The following SCAPER variants were observed in gnomAD, a reference collection of about 807,000 sequenced individuals.
SCAPER encodes the protein S-phase cyclin A associated protein in the ER, also known as S phase cyclin A-associated protein in the endoplasmic reticulum.
SCAPER carries 98 observed loss-of-function variants against 182.2 expected under a neutral mutation model. The observed-to-expected ratio is 0.54, with a 90% confidence interval of 0.46 to 0.64. The LOEUF is 0.64. Ranked by LOEUF, SCAPER falls within the 30% of genes least tolerant of loss-of-function variation. The pLI is 0.00. For synonymous variants in SCAPER, 605 were observed against 564.6 expected (o/e 1.07, Z -1.01); for missense variants, 1,432 against 1,690.0 (o/e 0.85, Z 2.68).
intron 27 of SCAPER, among the ~76,000 whole-genome samples, chr15:76,402,501 T>C (rs1239335992): frequency 6.6e-6 from 1 of 152,180 alleles, no homozygotes; most frequent in East Asian, 1.9e-4. Context: ...GGATTCTGCC[T>C]ATGGAAGCCT....
chr15:76,712,701 T>C lies in SCAPER; in HGVS notation c.2166-6717A>G, dbSNP rs1046758895. Reference sequence around the variant, plus strand: ...AGGTATTTTATTCTCTTTGAAGCAATTGTGAATGGGAGTTCACTCATGATT... The same window carrying C: ...AGGTATTTTATTCTCTTTGAAGCAACTGTGAATGGGAGTTCACTCATGATT... On this transcript the variant is annotated intron_variant, in intron 17 of 31. Coordinates refer to ENST00000563290, the MANE Select transcript of SCAPER (RefSeq NM_020843.4). 5.3e-5 allele frequency among the ~76,000 whole-genome samples: 8 copies of C among 152,236 alleles called. 1 individual carries two copies. In the South Asian group the frequency reaches 1.5e-3, roughly 28 times the overall value.
rs184163383 is a variant in SCAPER, at chr15:76,899,049, T to C, written c.-60+6250A>G. Among the ~76,000 whole-genome samples, 642 of 152,348 alleles carry C rather than the reference T, an allele frequency of 4.2e-3. 2 individuals carry two copies. Among genetic ancestry groups the C allele is most frequent in the Non-Finnish European group, 6.2e-3 (423 of 68,032 alleles). On this transcript the variant is annotated intron_variant, in intron 1 of 31. Coordinates refer to ENST00000563290, the MANE Select transcript of SCAPER (RefSeq NM_020843.4). ...TAACTAAGTACCACCTATAAAATAA[T>C]TTACGTAATTTTCTTTCAATAAAAT...
chr15:76,812,392 G>A (rs2066693082), intron 5 of SCAPER, among the ~76,000 whole-genome samples: 1 of 150,482 alleles, frequency 6.6e-6, no homozygotes, highest in South Asian at 2.1e-4. Flanking sequence ...GGGAGGCTGA[G>A]CACAAAAATC....
At chr15:76,773,912 A>G (rs2063604402) in intron 9 of SCAPER, among the ~76,000 whole-genome samples, 1 of 151,952 alleles carries the variant, frequency 6.6e-6, no homozygotes, top group Non-Finnish European at 1.5e-5. Context: ...ATAAAATTAC[A>G]CCAACGGAAC....
At chr15:76,382,364 T>C (rs921894722) in intron 27 of SCAPER, among the ~76,000 whole-genome samples, 10 of 118,012 alleles carry the variant, frequency 8.5e-5, no homozygotes, top group African/African-American at 2.8e-4. Flanking sequence ...TTTTTTTCTT[T>C]TATTTTTTTT....
rs759132361 is a variant in SCAPER at position 76,621,751 on chromosome 15, G to A, written c.2711+13C>T. On this transcript the variant is annotated intron_variant, in intron 22 of 31. Transcript: ENST00000563290. ...GACTGAAGAAAAGGAGAACTAAAAT[G>A]TGGAATACTCACTTTGCTTTATAAG... 6.3e-7 allele frequency: 1 copy of A among 1,597,078 alleles called. No homozygotes were observed. Among genetic ancestry groups the A allele is most frequent in the South Asian group, 1.1e-5 (1 of 88,132 alleles).
intron 20 of SCAPER, among the ~76,000 whole-genome samples, chr15:76,691,289 C>T (rs1010540435): frequency 1.5e-4 from 23 of 151,608 alleles, no homozygotes; most frequent in Non-Finnish European, 1.2e-4. Context: ...TGAAGAAAAC[C>T]GTAAACTTTA....
At chr15:76,404,432 A>G in intron 27 of SCAPER, 92 bp downstream of exon 27, 1 of 1,254,792 alleles carries the variant, frequency 8.0e-7, no homozygotes, top group South Asian at 1.9e-5. Context: ...CAAGATGACC[A>G]CTTGAATTCC....
At chr15:76,620,568 T>A (rs907595162) in intron 22 of SCAPER, among the ~76,000 whole-genome samples, 10 of 152,210 alleles carry the variant, frequency 6.6e-5, no homozygotes, top group Non-Finnish European at 1.5e-4. Flanking sequence ...CTGACTGGTA[T>A]CTTTTGACAG....
chr15:76,724,565 A>G (rs1488551470), intron 17 of SCAPER, among the ~76,000 whole-genome samples: 3 of 152,258 alleles, frequency 2.0e-5, no homozygotes, highest in Non-Finnish European at 4.4e-5. Context: ...AGGTACACCA[A>G]TGAGACGTAG....
chr15:76,821,838 A>ATGGC (rs748854262), intron 5 of SCAPER, among the ~76,000 whole-genome samples: 17 of 152,100 alleles, frequency 1.1e-4, no homozygotes, highest in Non-Finnish European at 2.4e-4. Flanking sequence ...GAACCCAGGA[A>ATGGC]TTTGAAGCCA....
chr15:76,560,200 A>C (rs935840694), intron 23 of SCAPER, among the ~76,000 whole-genome samples: 5 of 152,072 alleles, frequency 3.3e-5, no homozygotes, highest in African/African-American at 9.7e-5. Context: ...GGAGGTCTCT[A>C]ATCTTGGAAA....
intron 1 of SCAPER, among the ~76,000 whole-genome samples, chr15:76,903,792 AG>A (rs1274716843): frequency 6.6e-6 from 1 of 152,238 alleles, no homozygotes; most frequent in Non-Finnish European, 1.5e-5. Context: ...ACCATGGGCT[AG>A]GAACAGTTCT....
chr15:76,792,703 G>A (rs2065078401), intron 8 of SCAPER, among the ~76,000 whole-genome samples: 1 of 152,152 alleles, frequency 6.6e-6, no homozygotes, highest in African/African-American at 2.4e-5. Context: ...AAGAACTTGG[G>A]TTTCTTAGCC....
intron 20 of SCAPER, among the ~76,000 whole-genome samples, chr15:76,693,617 T>TA (rs1372698678): frequency 6.6e-6 from 1 of 152,170 alleles, no homozygotes; most frequent in Non-Finnish European, 1.5e-5. Flanking sequence ...CTATACAAAA[T>TA]ATAGTATACA....
chr15:76,364,461 A>C (rs7164320), intron 29 of SCAPER, among the ~76,000 whole-genome samples: 147,762 of 152,114 alleles, frequency 0.97, 71,904 homozygotes, highest in South Asian at 1. Context: ...CTTTGGAAAT[A>C]AGGTGATGCT....
At chr15:76,560,355 C>A (rs2145132855) in intron 23 of SCAPER, among the ~76,000 whole-genome samples, 1 of 152,294 alleles carries the variant, frequency 6.6e-6, no homozygotes. Flanking sequence ...TGAATTCAGG[C>A]CCGTAACTAG....
At chr15:76,893,393 T>C (rs927816237) in intron 1 of SCAPER, among the ~76,000 whole-genome samples, 3 of 152,056 alleles carry the variant, frequency 2.0e-5, no homozygotes, top group African/African-American at 7.2e-5. Context: ...GTTGTAGATA[T>C]GTACGCACCC....
At chr15:76,717,569 T>C (rs761378768) in intron 17 of SCAPER, among the ~76,000 whole-genome samples, 2 of 152,168 alleles carry the variant, frequency 1.3e-5, no homozygotes, top group African/African-American at 4.8e-5. Context: ...TTTTTGTATG[T>C]GCCAGAAATT....
Sources: allele counts gnomAD v4.1 joint callset (sites outside exome capture counted in the v4.1 genomes callset), GRCh38; gene constraint gnomAD v4.1.1; transcripts MANE v1.5; gene names NCBI Gene and HGNC (gene_info 2026-07-23, HGNC 2026-07-21).